Variants in ARHGAP32 observed in about 807,000 individuals in gnomAD.
ARHGAP32 encodes rho GTPase-activating protein 32.
Under a neutral mutation model 186.5 loss-of-function variants are expected in ARHGAP32, and 51 were observed. The ratio of observed to expected loss-of-function variants is 0.27; its 90% CI spans 0.22 to 0.35. ARHGAP32 has a LOEUF of 0.35. Among genes scored for constraint, ARHGAP32 ranks in the 10% least tolerant of loss-of-function variants. The probability of loss-of-function intolerance (pLI) is 1.00; values close to 1 mark genes in which losing one functional copy is unlikely to be tolerated. For missense variants in ARHGAP32, 2,186 were observed against 2,623.5 expected (o/e 0.83, Z 3.64); for synonymous variants, 950 against 964.3 (o/e 0.99, Z 0.27).
At chr11:128,976,692 TG>T in intron 19 of ARHGAP32, 58 bp from the exon 20 acceptor site, 2 of 1,429,108 alleles carry the variant, frequency 1.4e-6, no homozygotes, top group Non-Finnish European at 2.0e-6. Flanking sequence ...ATGTGGTTAA[TG>T]GGATCGGTGT....
At chr11:129,007,410 C>T (rs573686328) in intron 11 of ARHGAP32, among the ~76,000 whole-genome samples, 130 of 151,990 alleles carry the variant, frequency 8.6e-4, no homozygotes, top group African/African-American at 2.8e-3. Context: ...ATTCAGGGTC[C>T]GAGGGCTTGT....
At chr11:129,050,183 A>G (rs1454288708) in intron 10 of ARHGAP32, among the ~76,000 whole-genome samples, 1 of 152,172 alleles carries the variant, frequency 6.6e-6, no homozygotes, top group Non-Finnish European at 1.5e-5. Flanking sequence ...GAGAATTCCA[A>G]TTCTTCCACA....
chr11:129,112,783 A>G (rs1360227387), intron 5 of ARHGAP32, among the ~76,000 whole-genome samples: 1 of 152,170 alleles, frequency 6.6e-6, no homozygotes, highest in Non-Finnish European at 1.5e-5. Context: ...ATAAATCAAA[A>G]TACCAATCAA....
intron 12 of ARHGAP32, among the ~76,000 whole-genome samples, chr11:128,988,974 T>C (rs1422438960): frequency 3.3e-5 from 5 of 152,194 alleles, no homozygotes; most frequent in Admixed American, 2.6e-4. Flanking sequence ...TTTGATAGGG[T>C]TAATTAAAAT....
chr11:129,108,396 T>A (rs1942109728), intron 5 of ARHGAP32, among the ~76,000 whole-genome samples: 1 of 152,160 alleles, frequency 6.6e-6, no homozygotes. Flanking sequence ...ATGAACATTA[T>A]ATATTGATGA....
chr11:129,198,312 A>G (rs1460365168), intron 1 of ARHGAP32, among the ~76,000 whole-genome samples: 1 of 152,252 alleles, frequency 6.6e-6, no homozygotes, highest in East Asian at 1.9e-4. Context: ...AAACAAGCTC[A>G]GACTCAAATA....
intron 2 of ARHGAP32, among the ~76,000 whole-genome samples, chr11:129,156,640 G>A (rs987779475): frequency 3.3e-5 from 5 of 152,186 alleles, no homozygotes; most frequent in Non-Finnish European, 7.4e-5. Flanking sequence ...AGGTGGGGCT[G>A]TGGGTGCAGC....
intron 2 of ARHGAP32, among the ~76,000 whole-genome samples, chr11:129,162,747 C>T (rs1943556448): frequency 6.6e-6 from 1 of 151,998 alleles, no homozygotes; most frequent in Non-Finnish European, 1.5e-5. Flanking sequence ...ACTTAATGTA[C>T]AATTACAAGA....
intron 7 of ARHGAP32, 95 bp downstream of exon 7, chr11:129,066,636 G>C (rs76962610): frequency 4.4e-6 from 5 of 1,135,696 alleles, no homozygotes; most frequent in Non-Finnish European, 6.0e-6. Flanking sequence ...ATCACCCTGC[G>C]TGTTCAGTAT....
At chr11:129,007,721 G>A (rs1292447348) in intron 11 of ARHGAP32, among the ~76,000 whole-genome samples, 1 of 152,170 alleles carries the variant, frequency 6.6e-6, no homozygotes, top group African/African-American at 2.4e-5. Flanking sequence ...TAGCCACCCT[G>A]GCTGGTGTCT....
chr11:129,030,784 T>C (rs921213602), intron 11 of ARHGAP32, among the ~76,000 whole-genome samples: 1 of 152,206 alleles, frequency 6.6e-6, no homozygotes, highest in Non-Finnish European at 1.5e-5. Context: ...TCATGTTCAA[T>C]TGTAATCCCC....
intron 2 of ARHGAP32, among the ~76,000 whole-genome samples, chr11:129,143,206 A>C (rs1943098439): frequency 6.6e-6 from 1 of 151,992 alleles, no homozygotes; most frequent in African/African-American, 2.4e-5. Context: ...TTCTGAAATG[A>C]CATGTTTTAG....
At chr11:129,136,644 A>G (rs1942941220) in intron 2 of ARHGAP32, among the ~76,000 whole-genome samples, 1 of 152,194 alleles carries the variant, frequency 6.6e-6, no homozygotes. Context: ...TGTTAAAAAC[A>G]TACATCATAA....
chr11:129,028,903 C>T (rs778306906), intron 11 of ARHGAP32, among the ~76,000 whole-genome samples: 12 of 152,008 alleles, frequency 7.9e-5, no homozygotes, highest in Admixed American at 1.3e-4. Context: ...GCTATGAAGC[C>T]ACATGCCATG....
At chr11:129,081,027 A>T (rs983886044) in intron 6 of ARHGAP32, among the ~76,000 whole-genome samples, 1 of 152,008 alleles carries the variant, frequency 6.6e-6, no homozygotes, top group African/African-American at 2.4e-5. Context: ...CATTCCTGGA[A>T]ATATATTATA....
At chr11:129,267,499 T>C (rs1301068812) in intron 1 of ARHGAP32, among the ~76,000 whole-genome samples, 3 of 152,018 alleles carry the variant, frequency 2.0e-5, no homozygotes. Flanking sequence ...TGACTGATAA[T>C]TTGTATAGAC....
At chr11:129,083,962 A>G (rs1263583135) in intron 6 of ARHGAP32, among the ~76,000 whole-genome samples, 1 of 152,152 alleles carries the variant, frequency 6.6e-6, no homozygotes, top group Non-Finnish European at 1.5e-5. Flanking sequence ...AATTACTAAC[A>G]TTACATATGA....
intron 1 of ARHGAP32, among the ~76,000 whole-genome samples, chr11:129,265,550 A>T (rs974233043): frequency 1.3e-5 from 2 of 152,238 alleles, no homozygotes; most frequent in African/African-American, 4.8e-5. Flanking sequence ...ACCTGGATTT[A>T]AAGTATGAAT....
intron 5 of ARHGAP32, among the ~76,000 whole-genome samples, chr11:129,100,106 G>A (rs748834849): frequency 2.0e-5 from 3 of 152,206 alleles, no homozygotes; most frequent in Non-Finnish European, 4.4e-5. Context: ...TTAGAGAAGT[G>A]GTAGGGGCAG....
Sources: allele counts gnomAD v4.1 joint callset (sites outside exome capture counted in the v4.1 genomes callset), GRCh38; gene constraint gnomAD v4.1.1; transcripts MANE v1.5; gene names NCBI Gene and HGNC (gene_info 2026-07-23, HGNC 2026-07-21).